SYNE2: variants seen among roughly 807,000 people sequenced by gnomAD.
SYNE2 encodes nesprin-2.
Under a neutral mutation model 856.3 loss-of-function variants are expected in SYNE2, and 431 were observed. The observed-to-expected ratio is 0.50, with a 90% CI of 0.47 to 0.55. The LOEUF (loss-of-function observed/expected upper bound fraction) is 0.55, where lower values mean the gene tolerates loss of function less well. Among genes scored for constraint, SYNE2 ranks in the 20% least tolerant of loss-of-function variants. SYNE2 has a pLI of 0.00. For missense variants in SYNE2, 8,129 were observed against 8,023.2 expected, an observed-to-expected ratio of 1.01 and a Z score of -0.50; for synonymous variants, 2,923 against 2,872.3, an observed-to-expected ratio of 1.02 and a Z score of -0.56.
chr14:64,031,540 A>T (rs2097035114), intron 45 of SYNE2, among the ~76,000 whole-genome samples, 183 bp downstream of exon 45: 1 of 152,214 alleles, frequency 6.6e-6, no homozygotes. Flanking sequence ...TCAGTGGTGA[A>T]ATATTGCTGT....
intron 78 of SYNE2, among the ~76,000 whole-genome samples, chr14:64,135,545 A>T (rs1402827003): frequency 6.6e-6 from 1 of 152,118 alleles, no homozygotes; most frequent in Admixed American, 6.5e-5. Context: ...TAGTCTAGGG[A>T]TACAGAAGGT....
chr14:64,022,928 G>C, intron 38 of SYNE2, 65 bp downstream of exon 38: 1 of 872,478 alleles, frequency 1.1e-6, no homozygotes, highest in Non-Finnish European at 1.9e-6. Flanking sequence ...GCATAGAACT[G>C]TATCAAAATA....
intron 1 of SYNE2, among the ~76,000 whole-genome samples, chr14:63,787,117 A>G (rs1887560048): frequency 6.6e-6 from 1 of 152,174 alleles, no homozygotes; most frequent in South Asian, 2.1e-4. Context: ...ACATGCATAC[A>G]ATATATGATG....
intron 63 of SYNE2, among the ~76,000 whole-genome samples, 180 bp from the exon 64 acceptor site, chr14:64,101,752 A>G (rs902859589): frequency 6.6e-6 from 1 of 152,222 alleles, no homozygotes; most frequent in Non-Finnish European, 1.5e-5. Flanking sequence ...CCACATTTGT[A>G]AACATGATAT....
chr14:63,851,063 TA>T (rs1053867002), upstream of SYNE2, among the ~76,000 whole-genome samples: 132 of 152,216 alleles, frequency 8.7e-4, 1 homozygote, highest in African/African-American at 3.1e-3. Context: ...AAAGTGGTTT[TA>T]GGAAAAGACA....
chr14:64,063,441 C>T (rs1430329823), intron 50 of SYNE2, among the ~76,000 whole-genome samples: 1 of 152,164 alleles, frequency 6.6e-6, no homozygotes, highest in Non-Finnish European at 1.5e-5. Flanking sequence ...GACAGTCATC[C>T]CCCAATAGCA....
intron 76 of SYNE2, among the ~76,000 whole-genome samples, chr14:64,130,610 C>T (rs1255289026): frequency 3.9e-5 from 6 of 151,984 alleles, no homozygotes; most frequent in Admixed American, 6.6e-5. Flanking sequence ...CCTGGCCATG[C>T]GCAGTGGCTT....
chr14:63,805,902 A>G (rs1186731299), intron 1 of SYNE2, among the ~76,000 whole-genome samples: 1 of 152,194 alleles, frequency 6.6e-6, no homozygotes, highest in Non-Finnish European at 1.5e-5. Context: ...GGGTTTTCTA[A>G]GTATAAAATC....
At chr14:63,907,052 A>G (rs910467551) in intron 1 of SYNE2, among the ~76,000 whole-genome samples, 21 of 152,124 alleles carry the variant, frequency 1.4e-4, no homozygotes, top group Non-Finnish European at 2.8e-4. Flanking sequence ...ATTTCAACAT[A>G]TGGACTTTGG....
intron 1 of SYNE2, among the ~76,000 whole-genome samples, chr14:63,774,468 C>CAAAAAAAAAAAAAAAAAAAA (rs748830808): frequency 4.2e-5 from 4 of 95,308 alleles, no homozygotes; most frequent in East Asian, 3.3e-4. Context: ...GACTCCGTCT[C>CAAAAAAAAAAAAAAAAAAAA]AAAAAAAAAA....
Position 64,052,645 on chromosome 14 carries a change from T to C in SYNE2, c.8732T>C (p.Leu2911Ser), listed in dbSNP as rs1567163006. The change falls in exon 48 of 116, where the codon TTA becomes TCA. Residue 2911 changes from leucine to serine, a missense_variant. By Grantham distance (145) the Leu-to-Ser change is moderately radical. Coordinates refer to ENST00000555002, the MANE Select transcript of SYNE2 (RefSeq NM_182914.3). Reference protein sequence around the residue: ...IYEELNVFERLFLEDQLKNLK... With the variant: ...IYEELNVFERSFLEDQLKNLK... ...GAGGAGCTGAATGTGTTTGAAAGATTATTTCTGGAAGATCAGTTGAAAAAT... is the reference window on the plus strand; with the variant it reads ...GAGGAGCTGAATGTGTTTGAAAGATCATTTCTGGAAGATCAGTTGAAAAAT... The C allele has an allele frequency of 1.2e-6, 2 of 1,614,030 alleles. No homozygotes were observed. The highest frequency in any genetic ancestry group is 1.7e-6 in the Non-Finnish European group (2 of 1,179,978).
At position 64,033,092 on chromosome 14, in the gene SYNE2, C is replaced by T. The variant is rs140539948; in HGVS notation, c.7221+1735C>T. Among the ~76,000 whole-genome samples, 5 of 152,188 alleles carry T rather than the reference C, an allele frequency of 3.3e-5. No homozygotes were observed. In the East Asian group the frequency reaches 9.7e-4, roughly 29 times the overall value. ...CTGAGGTGGGAGGATCACATGAGCC[C>T]CGAAGGTTGAGGTTGCAGTGAGCCA... On this transcript the variant is annotated intron_variant, in intron 45 of 115. Transcript: ENST00000555002.
chr14:64,143,731 A>G (rs747263647), intron 82 of SYNE2, 41 bp from the exon 83 acceptor site: 65 of 1,609,346 alleles, frequency 4.0e-5, no homozygotes, highest in Non-Finnish European at 5.5e-5. Flanking sequence ...GATCTGACCA[A>G]CATTCATGAC....
At chr14:64,166,608 G>A (rs2098380993) in intron 90 of SYNE2, among the ~76,000 whole-genome samples, 1 of 152,136 alleles carries the variant, frequency 6.6e-6, no homozygotes, top group Non-Finnish European at 1.5e-5. Context: ...CAGGTTATTG[G>A]CAGACTAAAT....
intron 1 of SYNE2, among the ~76,000 whole-genome samples, chr14:63,773,608 T>C (rs140210879): frequency 5.3e-4 from 80 of 152,308 alleles, no homozygotes; most frequent in Non-Finnish European, 1.0e-3. Flanking sequence ...TAGAATATAG[T>C]GATTATTTAC....
intron 1 of SYNE2, among the ~76,000 whole-genome samples, chr14:63,888,043 G>A (rs955060090): frequency 5.9e-5 from 9 of 152,052 alleles, no homozygotes; most frequent in South Asian, 4.1e-4. Flanking sequence ...ATGAGCCACC[G>A]TACCTGGCCG....
At chr14:64,136,630 C>T (rs2098092721) in intron 78 of SYNE2, among the ~76,000 whole-genome samples, 1 of 152,132 alleles carries the variant, frequency 6.6e-6, no homozygotes, top group African/African-American at 2.4e-5. Flanking sequence ...ACAGACTTCT[C>T]TTCAAAGAAT....
intron 98 of SYNE2, chr14:64,188,950 A>G (rs1417901854): frequency 1.4e-6 from 1 of 703,458 alleles, no homozygotes; most frequent in Admixed American, 2.0e-5. Context: ...CTTTCTCTCC[A>G]TTAGAAAGTT....
chr14:64,003,784 G>C (rs918958651), intron 30 of SYNE2, among the ~76,000 whole-genome samples: 16 of 152,140 alleles, frequency 1.1e-4, no homozygotes, highest in African/African-American at 3.9e-4. Context: ...GCAGGATTAG[G>C]GTAGGAACTG....
Sources: gnomAD v4.1 joint callset for allele counts (sites outside exome capture counted in the v4.1 genomes callset) on GRCh38, gnomAD v4.1.1 for gene constraint, MANE v1.5 for transcripts, NCBI Gene and HGNC (gene_info 2026-07-23, HGNC 2026-07-21) for gene names.